TENM2: variants seen among roughly 807,000 people sequenced by gnomAD.
TENM2 encodes teneurin transmembrane protein 2.
In TENM2, 52 loss-of-function variants were observed where a neutral mutation model predicts 245.2. That is an observed-to-expected ratio of 0.21 (90% CI 0.17 to 0.27). The LOEUF (loss-of-function observed/expected upper bound fraction) is 0.27. Among genes scored for constraint, TENM2 ranks in the 10% least tolerant of loss-of-function variants. The pLI is 1.00. For missense variants in TENM2, 3,046 were observed against 3,666.8 expected (o/e 0.83, Z 4.37); for synonymous variants, 1,363 against 1,438.9 (o/e 0.95, Z 1.19).
chr5:167,959,614 G>A (rs1046418680), intron 4 of TENM2, among the ~76,000 whole-genome samples: 5 of 152,014 alleles, frequency 3.3e-5, no homozygotes, highest in African/African-American at 1.2e-4. Flanking sequence ...CTTTTTTCAA[G>A]GTTGTTAGCT....
chr5:168,147,193 G>A (rs763625082), intron 12 of TENM2, among the ~76,000 whole-genome samples: 15 of 152,294 alleles, frequency 9.8e-5, no homozygotes, highest in South Asian at 4.2e-4. Context: ...TAGCGTTCTC[G>A]CAGCAACTGT....
chr5:167,039,614 C>CCAA, the TENM2 span, among the ~76,000 whole-genome samples: 1 of 150,490 alleles, frequency 6.6e-6, no homozygotes, highest in Non-Finnish European at 1.5e-5. Flanking sequence ...TGTCAATTAA[C>CCAA]AAAAAAAAAT....
intron 2 of TENM2, among the ~76,000 whole-genome samples, chr5:167,425,161 A>G (rs1206634482): frequency 6.6e-6 from 1 of 152,252 alleles, no homozygotes; most frequent in Non-Finnish European, 1.5e-5. Context: ...CAAAGTATCT[A>G]TGAGTTATTT....
chr5:167,098,715 G>T, the TENM2 span, among the ~76,000 whole-genome samples: 3 of 152,184 alleles, frequency 2.0e-5, no homozygotes, highest in Non-Finnish European at 4.4e-5. Context: ...AAAAACAGCG[G>T]TTTCTAAGAC....
chr5:168,056,873 C>T (rs1789584487), intron 6 of TENM2, among the ~76,000 whole-genome samples: 1 of 152,086 alleles, frequency 6.6e-6, no homozygotes, highest in Non-Finnish European at 1.5e-5. Context: ...AATATAGTAA[C>T]ATGCTGTACA....
chr5:167,911,412 A>C (rs1318357957), intron 3 of TENM2, among the ~76,000 whole-genome samples: 2 of 152,196 alleles, frequency 1.3e-5, no homozygotes, highest in African/African-American at 2.4e-5. Context: ...CTGTAGTCCC[A>C]GCTACTCGGG....
At chr5:167,950,827 C>T (rs1424828013) in intron 3 of TENM2, among the ~76,000 whole-genome samples, 1 of 152,126 alleles carries the variant, frequency 6.6e-6, no homozygotes, top group African/African-American at 2.4e-5. Context: ...AGCTATGAAA[C>T]TCTCCCAAAG....
At chr5:167,276,987 A>G in the TENM2 span, among the ~76,000 whole-genome samples, 1 of 152,084 alleles carries the variant, frequency 6.6e-6, no homozygotes, top group African/African-American at 2.4e-5. Context: ...TGATGTGGAT[A>G]ATTTGTGTCC....
At chr5:167,602,986 G>A (rs1457433473) in intron 2 of TENM2, among the ~76,000 whole-genome samples, 4 of 152,154 alleles carry the variant, frequency 2.6e-5, no homozygotes, top group Non-Finnish European at 5.9e-5. Context: ...CATGGGAATA[G>A]CTTTCCAAGG....
chr5:167,285,806 G>A (rs967853390), intron 1 of TENM2, among the ~76,000 whole-genome samples: 1 of 152,224 alleles, frequency 6.6e-6, no homozygotes, highest in Non-Finnish European at 1.5e-5. Flanking sequence ...CAAAATTACA[G>A]GCAAACGCAC....
chr5:167,068,535 G>A, the TENM2 span, among the ~76,000 whole-genome samples: 9 of 152,066 alleles, frequency 5.9e-5, no homozygotes, highest in Non-Finnish European at 1.2e-4. Flanking sequence ...ATGTTATTGA[G>A]ATATTTTGCA....
chr5:167,670,664 C>T (rs1755876809), intron 2 of TENM2, among the ~76,000 whole-genome samples: 2 of 152,268 alleles, frequency 1.3e-5, no homozygotes, highest in South Asian at 4.1e-4. Flanking sequence ...CATGCACGTT[C>T]ACAGTGAGCC....
the TENM2 span, among the ~76,000 whole-genome samples, chr5:167,199,455 C>A: frequency 3.3e-5 from 5 of 152,090 alleles, no homozygotes; most frequent in Non-Finnish European, 5.9e-5. Flanking sequence ...CTTCCTGGCC[C>A]GGCACCTTCA....
At chr5:167,386,177 A>G (rs1049948203) in intron 2 of TENM2, among the ~76,000 whole-genome samples, 2 of 151,702 alleles carry the variant, frequency 1.3e-5, no homozygotes, top group African/African-American at 2.4e-5. Flanking sequence ...CACCGCATCT[A>G]TTATTTTTGG....
intron 3 of TENM2, among the ~76,000 whole-genome samples, chr5:167,941,655 C>G (rs971248314): frequency 7.0e-6 from 1 of 143,196 alleles, no homozygotes; most frequent in Non-Finnish European, 1.5e-5. Flanking sequence ...AAGACCAGCC[C>G]GGGCAACATA....
At chr5:168,091,893 C>T (rs1792976511) in intron 8 of TENM2, among the ~76,000 whole-genome samples, 1 of 152,220 alleles carries the variant, frequency 6.6e-6, no homozygotes, top group Non-Finnish European at 1.5e-5. Context: ...ACTTATCTCT[C>T]TGAGCCTCAG....
intron 2 of TENM2, among the ~76,000 whole-genome samples, chr5:167,769,564 G>A (rs1763264274): frequency 6.6e-6 from 1 of 152,076 alleles, no homozygotes; most frequent in African/African-American, 2.4e-5. Context: ...AAACTAAACT[G>A]GTTATTCTTG....
chr5:167,118,096 G>T, the TENM2 span, among the ~76,000 whole-genome samples: 4 of 152,178 alleles, frequency 2.6e-5, no homozygotes, highest in African/African-American at 9.7e-5. Context: ...CTCCAGTATA[G>T]TTGCTGTTAT....
chr5:167,651,410 A>AT (rs147848179), intron 2 of TENM2, among the ~76,000 whole-genome samples: 2,075 of 147,328 alleles, frequency 0.014, 53 homozygotes, highest in East Asian at 0.12. Context: ...TATCCATCTC[A>AT]TTTTTTTTTT....
Sources: gnomAD v4.1 joint callset for allele counts (sites outside exome capture counted in the v4.1 genomes callset) on GRCh38, gnomAD v4.1.1 for gene constraint, MANE v1.5 for transcripts, NCBI Gene and HGNC (gene_info 2026-07-23, HGNC 2026-07-21) for gene names.